Variants in BORCS5 observed in about 807,000 individuals in gnomAD.
BORCS5 encodes BLOC-1-related complex subunit 5.
A neutral mutation model predicts 22.1 loss-of-function variants in BORCS5; 17 were observed. The observed-to-expected ratio is 0.77, with a 90% CI of 0.53 to 1.15. The LOEUF is 1.15. BORCS5 is among the 50% of genes most tolerant of loss of function. BORCS5 has a pLI of 0.00. For missense variants in BORCS5, 247 were observed against 253.2 expected (o/e 0.98, Z 0.17); for synonymous variants, 117 against 99.8 (o/e 1.17, Z -1.03).
At position 12,422,498 on chromosome 12, in the gene BORCS5, C is replaced by T. The variant is rs184037467; in HGVS notation, c.203-13130C>T. Among the ~76,000 whole-genome samples, 711 of 152,032 alleles carry T rather than the reference C, an allele frequency of 4.7e-3. 7 individuals are homozygous for T. Among genetic ancestry groups the T allele is most frequent in the African/African-American group, 0.016 (675 of 41,474 alleles). ...GCGTGGTGGCACATGCCTGTAGTCT[C>T]AGCTACTTGGAAGAATCGTTTGAAC... On this transcript the variant is annotated intron_variant, in intron 2 of 3. Transcript: ENST00000314565.
At chr12:12,427,427 G>A (rs1239282744) in intron 2 of BORCS5, among the ~76,000 whole-genome samples, 3 of 152,004 alleles carry the variant, frequency 2.0e-5, no homozygotes, top group East Asian at 1.9e-4. Flanking sequence ...TGATGGGCCC[G>A]CCTCGGCCTC....
chr12:12,414,037 G>A (rs1305743820), intron 2 of BORCS5, among the ~76,000 whole-genome samples: 2 of 77,354 alleles, frequency 2.6e-5, no homozygotes, highest in Non-Finnish European at 5.3e-5. Flanking sequence ...CCTCCTGGAC[G>A]GGGCGGCTGG....
intron 2 of BORCS5, among the ~76,000 whole-genome samples, chr12:12,374,201 C>T (rs1863595097): frequency 6.6e-6 from 1 of 151,586 alleles, no homozygotes; most frequent in South Asian, 2.1e-4. Context: ...CTGTGTTAGC[C>T]AGGATGGTCT....
Position 12,413,924 on chromosome 12 carries a change from G to A in BORCS5, c.203-21704G>A, listed in dbSNP as rs1304175307. On this transcript the variant is annotated intron_variant, in intron 2 of 3. Coordinates refer to ENST00000314565, the MANE Select transcript of BORCS5 (RefSeq NM_058169.6). ...TCCCTCCCGGACTGGGCGGCTGGCC[G>A]GGCGGGGGGCTGACCCCCCCACCTC... Among the ~76,000 whole-genome samples the A allele has an allele frequency of 7.3e-5, 4 of 54,720 alleles. 1 individual carries two copies. Among genetic ancestry groups the A allele is most frequent in the African/African-American group, 1.1e-4 (1 of 8,856 alleles). The allele number at this position is 54,720 out of a possible 152,430, so 35.9% of individuals were successfully genotyped here.
chr12:12,389,666 CAG>C (rs1009001790), intron 2 of BORCS5, among the ~76,000 whole-genome samples: 12 of 151,482 alleles, frequency 7.9e-5, no homozygotes, highest in Non-Finnish European at 1.2e-4. Context: ...TTTTTTGAGA[CAG>C]AGTCTCGCTC....
rs1027249076 is a variant in BORCS5 at position 12,452,169 on chromosome 12, T to G, written c.361-13377T>G. 4 of 576,392 alleles carry G rather than the reference T, an allele frequency of 6.9e-6. No individual in the cohort carries two copies. In the African/African-American group the frequency reaches 7.6e-5, roughly 11 times the overall value. The allele number at this position is 576,392 out of a possible 1,614,324, so 35.7% of individuals were successfully genotyped here. On this transcript the variant is annotated intron_variant, in intron 3 of 3. Transcript: ENST00000314565. ...ACCAATGTTAATATTTCTTGGGATC[T>G]CAGGAAGATTCACATTTTTTACAGC...
intron 3 of BORCS5, among the ~76,000 whole-genome samples, chr12:12,438,360 CAA>C (rs57737663): frequency 2.1e-4 from 5 of 23,812 alleles, no homozygotes; most frequent in African/African-American, 1.0e-3. Context: ...GATTTCATCT[CAA>C]AAAAAAAAAA....
At chr12:12,383,841 G>A (rs555351123) in intron 2 of BORCS5, among the ~76,000 whole-genome samples, 2 of 151,212 alleles carry the variant, frequency 1.3e-5, no homozygotes, top group East Asian at 1.9e-4. Context: ...CTTCTTGAAT[G>A]TGTGGATTAA....
intron 2 of BORCS5, among the ~76,000 whole-genome samples, chr12:12,405,253 C>G (rs1054466028): frequency 6.6e-6 from 1 of 152,110 alleles, no homozygotes; most frequent in Admixed American, 6.5e-5. Context: ...ACATCTCAAC[C>G]AAGCAAAAAC....
chr12:12,447,950 C>T (rs1210111653), intron 3 of BORCS5, among the ~76,000 whole-genome samples: 1 of 152,178 alleles, frequency 6.6e-6, no homozygotes, highest in Non-Finnish European at 1.5e-5. Context: ...CAGCCCCTCA[C>T]CTGATGTGGT....
chr12:12,382,498 A>C (rs1442655493), intron 2 of BORCS5, among the ~76,000 whole-genome samples: 1 of 146,498 alleles, frequency 6.8e-6, no homozygotes, highest in Non-Finnish European at 1.5e-5. Context: ...TGATATCACT[A>C]TTCTGTCTTT....
At chr12:12,378,203 CT>C (rs1863697109) in intron 2 of BORCS5, among the ~76,000 whole-genome samples, 1 of 152,172 alleles carries the variant, frequency 6.6e-6, no homozygotes, top group South Asian at 2.1e-4. Flanking sequence ...GAAACCCCGT[CT>C]CTACTAAAAA....
intron 2 of BORCS5, among the ~76,000 whole-genome samples, chr12:12,399,606 G>C (rs933740172): frequency 3.9e-5 from 6 of 152,134 alleles, no homozygotes; most frequent in African/African-American, 1.4e-4. Flanking sequence ...TGGCATTTTG[G>C]GGACAATTCT....
intron 2 of BORCS5, among the ~76,000 whole-genome samples, chr12:12,413,238 T>G (rs1941792357): frequency 9.9e-6 from 1 of 101,254 alleles, no homozygotes; most frequent in Non-Finnish European, 2.0e-5. Context: ...CCTTCCGCAG[T>G]GTTTGTGTCC....
chr12:12,360,256 G>A (rs1016303911), intron 1 of BORCS5, among the ~76,000 whole-genome samples: 5 of 152,128 alleles, frequency 3.3e-5, no homozygotes, highest in African/African-American at 9.7e-5. Context: ...TAGCTACTCA[G>A]GAAGCTGAGG....
chr12:12,447,562 A>G (rs1751357196), intron 3 of BORCS5, among the ~76,000 whole-genome samples: 1 of 152,204 alleles, frequency 6.6e-6, no homozygotes, highest in Non-Finnish European at 1.5e-5. Context: ...CAGTGGCAGT[A>G]TACCAAATCA....
At chr12:12,410,376 T>C (rs1424895030) in intron 2 of BORCS5, among the ~76,000 whole-genome samples, 2 of 151,508 alleles carry the variant, frequency 1.3e-5, no homozygotes, top group East Asian at 3.8e-4. Context: ...CATTGAAGTC[T>C]TTAATCCATC....
At chr12:12,452,573 C>G (rs1169439627) in intron 3 of BORCS5, 1 of 341,128 alleles carries the variant, frequency 2.9e-6, no homozygotes, top group Non-Finnish European at 5.8e-6. Context: ...GCGATCCTTC[C>G]CCACCCACTC....
intron 3 of BORCS5, among the ~76,000 whole-genome samples, chr12:12,438,374 A>AAAAAAAAAAAAAAAAACAAAAAAC (rs1555156024): frequency 8.0e-6 from 1 of 125,046 alleles, no homozygotes; most frequent in Non-Finnish European, 1.6e-5. Flanking sequence ...AAAAAAAAAA[A>AAAAAAAAAAAAAAAAACAAAAAAC]AAAAAACGAA....
Sources: allele counts gnomAD v4.1 joint callset (sites outside exome capture counted in the v4.1 genomes callset), GRCh38; gene constraint gnomAD v4.1.1; transcripts MANE v1.5; gene names NCBI Gene and HGNC (gene_info 2026-07-23, HGNC 2026-07-21).